The following NELL1 variants were observed in gnomAD, a reference collection of about 807,000 sequenced individuals.
NELL1 encodes protein kinase C-binding protein NELL1.
Under a neutral mutation model 107.4 loss-of-function variants are expected in NELL1, and 76 were observed. That is an observed-to-expected ratio of 0.71 (90% CI 0.59 to 0.86). The LOEUF (loss-of-function observed/expected upper bound fraction) is 0.86, where lower values mean the gene tolerates loss of function less well. Among genes scored for constraint, NELL1 ranks in the 40% least tolerant of loss-of-function variants. The pLI is 0.00. For missense variants in NELL1, 1,024 were observed against 1,005.5 expected (o/e 1.02, Z -0.25); for synonymous variants, 353 against 341.2 (o/e 1.03, Z -0.38).
At chr11:21,447,709 A>G (rs1853468879) in intron 15 of NELL1, among the ~76,000 whole-genome samples, 1 of 151,968 alleles carries the variant, frequency 6.6e-6, no homozygotes, top group African/African-American at 2.4e-5. Flanking sequence ...CCCCTTAGCC[A>G]CCCTGGCTTG....
chr11:21,065,639 C>T (rs558452668), intron 12 of NELL1, among the ~76,000 whole-genome samples: 1 of 152,286 alleles, frequency 6.6e-6, no homozygotes, highest in East Asian at 1.9e-4. Flanking sequence ...TTACACAGGG[C>T]TAGATGTCAA....
intron 13 of NELL1, among the ~76,000 whole-genome samples, chr11:21,149,843 C>T (rs79793403): frequency 0.012 from 1,898 of 152,124 alleles, 23 homozygotes; most frequent in Non-Finnish European, 0.021. Flanking sequence ...ATGGCAATTT[C>T]AGGTAGGAAT....
intron 13 of NELL1, among the ~76,000 whole-genome samples, chr11:21,219,120 C>T (rs1057022615): frequency 5.9e-5 from 9 of 152,110 alleles, no homozygotes; most frequent in African/African-American, 2.2e-4. Flanking sequence ...GTTCTCTTTT[C>T]TCTCCGTCCG....
At chr11:20,674,391 A>T (rs762912668) in intron 1 of NELL1, 8 of 909,086 alleles carry the variant, frequency 8.8e-6, no homozygotes, top group Non-Finnish European at 1.4e-5. Flanking sequence ...GGAGCTGTTG[A>T]AGTGTGAATA....
At chr11:21,510,862 T>C (rs1344326640) in intron 15 of NELL1, among the ~76,000 whole-genome samples, 1 of 152,182 alleles carries the variant, frequency 6.6e-6, no homozygotes, top group Non-Finnish European at 1.5e-5. Flanking sequence ...TTATCTCTCC[T>C]TTTTAAAAGA....
At chr11:21,538,911 G>A (rs190751341) in intron 16 of NELL1, among the ~76,000 whole-genome samples, 32 of 152,148 alleles carry the variant, frequency 2.1e-4, no homozygotes, top group African/African-American at 7.5e-4. Flanking sequence ...ACTTTGCATG[G>A]ATACTGGAGA....
At chr11:21,147,546 A>C (rs1348040863) in intron 13 of NELL1, among the ~76,000 whole-genome samples, 1 of 151,996 alleles carries the variant, frequency 6.6e-6, no homozygotes, top group Non-Finnish European at 1.5e-5. Context: ...TTTGTATGAG[A>C]TATAGGCTGG....
intron 2 of NELL1, among the ~76,000 whole-genome samples, chr11:20,764,431 C>T (rs1021349739): frequency 2.0e-5 from 3 of 152,066 alleles, no homozygotes; most frequent in Non-Finnish European, 2.9e-5. Context: ...GGGAGCTACA[C>T]CAACATGCTG....
Position 21,015,830 on chromosome 11 carries a change from A to T in NELL1, c.1300+55270A>T, listed in dbSNP as rs552848712. 1.1e-4 allele frequency among the ~76,000 whole-genome samples: 16 copies of T among 152,208 alleles called. No homozygotes were observed. In the South Asian group the frequency reaches 2.1e-3, roughly 20 times the overall value. On this transcript the variant is annotated intron_variant, in intron 12 of 19. Transcript: ENST00000357134. ...ATAAGCCAGGCACGTCCTGTTGTCA[A>T]CACAGTATATGCTCCATTCCCACAA...
chr11:21,278,299 A>T (rs1848916798), intron 14 of NELL1, among the ~76,000 whole-genome samples: 1 of 152,194 alleles, frequency 6.6e-6, no homozygotes, highest in South Asian at 2.1e-4. Flanking sequence ...CTAATGTATT[A>T]AGAAAATAAA....
At chr11:20,766,740 A>ATTTTTTTTTTTTTTTTT (rs202218877) in intron 2 of NELL1, among the ~76,000 whole-genome samples, 1 of 139,712 alleles carries the variant, frequency 7.2e-6, no homozygotes, top group African/African-American at 2.6e-5. Flanking sequence ...CTATTGACAT[A>ATTTTTTTTTTTTTTTTT]TTTTTTTTTT....
intron 3 of NELL1, among the ~76,000 whole-genome samples, chr11:20,835,951 C>G (rs1056966969): frequency 6.6e-6 from 1 of 151,862 alleles, no homozygotes; most frequent in African/African-American, 2.4e-5. Context: ...AACCTTAAGC[C>G]TTCTGCTCTA....
rs946108228 is a variant in NELL1 at position 21,321,721 on chromosome 11, G to A, written c.1550-49132G>A. 2.6e-5 allele frequency among the ~76,000 whole-genome samples: 4 copies of A among 152,176 alleles called. No individual in the cohort carries two copies. The South Asian group carries it at 8.3e-4, about 32-fold the overall frequency. ...TGAAATCACTTGTCCAGGCCACACA[G>A]CTGATAAGTGGCAGAACCAGGACTC... On this transcript the variant is annotated intron_variant, in intron 14 of 19. Transcript: ENST00000357134.
At chr11:21,153,441 T>C (rs943065417) in intron 13 of NELL1, among the ~76,000 whole-genome samples, 2 of 152,120 alleles carry the variant, frequency 1.3e-5, no homozygotes, top group Non-Finnish European at 2.9e-5. Flanking sequence ...TTTCATTAAA[T>C]AAATTATTTA....
chr11:21,101,029 C>T (rs1472757600), intron 12 of NELL1, among the ~76,000 whole-genome samples: 3 of 150,738 alleles, frequency 2.0e-5, no homozygotes, highest in Admixed American at 6.6e-5. Context: ...GCGATGTTCC[C>T]CTTCCTGTGT....
At chr11:20,842,202 C>A (rs1437868873) in intron 3 of NELL1, among the ~76,000 whole-genome samples, 1 of 151,910 alleles carries the variant, frequency 6.6e-6, no homozygotes, top group Non-Finnish European at 1.5e-5. Context: ...AATGGTGAAA[C>A]CCTGTCTCTA....
intron 15 of NELL1, among the ~76,000 whole-genome samples, chr11:21,415,777 T>A (rs1437121116): frequency 6.6e-6 from 1 of 152,024 alleles, no homozygotes; most frequent in Non-Finnish European, 1.5e-5. Context: ...GGTTTTCCAT[T>A]CTCTGGCACT....
chr11:21,274,509 C>T lies in NELL1; in HGVS notation c.1549+45055C>T, dbSNP rs144729649. Among the ~76,000 whole-genome samples, 1,274 of 152,174 alleles carry T rather than the reference C, an allele frequency of 8.4e-3. 6 individuals are homozygous for T. Among genetic ancestry groups the T allele is most frequent in the Non-Finnish European group, 0.013 (897 of 67,994 alleles). On this transcript the variant is annotated intron_variant, in intron 14 of 19. Coordinates refer to ENST00000357134, the MANE Select transcript of NELL1 (RefSeq NM_006157.5). ...GATCAACAAGACAGAAAATTAACAACGATATCCACGAATTGAACTCAGCTC... is the reference window on the plus strand; with the variant it reads ...GATCAACAAGACAGAAAATTAACAATGATATCCACGAATTGAACTCAGCTC...
At chr11:21,072,347 G>A (rs1854035299) in intron 12 of NELL1, among the ~76,000 whole-genome samples, 1 of 152,140 alleles carries the variant, frequency 6.6e-6, no homozygotes, top group East Asian at 1.9e-4. Flanking sequence ...AAATATGGAA[G>A]CTACACACCA....
Sources: gnomAD v4.1 joint callset for allele counts (sites outside exome capture counted in the v4.1 genomes callset) on GRCh38, gnomAD v4.1.1 for gene constraint, MANE v1.5 for transcripts, NCBI Gene and HGNC (gene_info 2026-07-23, HGNC 2026-07-21) for gene names.